Variants in FLT3 observed in about 807,000 individuals in gnomAD.
FLT3 encodes the protein receptor-type tyrosine-protein kinase FLT3.
Under a neutral mutation model 126.6 loss-of-function variants are expected in FLT3, and 46 were observed. The observed-to-expected ratio is 0.36, with a 90% confidence interval of 0.29 to 0.46. The LOEUF is 0.46. Ranked by LOEUF, FLT3 falls within the 20% of genes least tolerant of loss-of-function variation. The pLI, the probability that FLT3 is intolerant of heterozygous loss-of-function variation, is 1.00. For missense variants in FLT3, 1,069 were observed against 1,190.3 expected (o/e 0.90, Z 1.50); for synonymous variants, 404 against 434.4 (o/e 0.93, Z 0.87).
rs773412677 is a variant in FLT3, at chr13:28,048,250, A to G, written c.1205+25T>C. 2.5e-6 allele frequency: 4 copies of G among 1,585,316 alleles called. No homozygotes were observed. In the South Asian group the frequency reaches 3.4e-5, roughly 14 times the overall value. Reference sequence around the variant, plus strand: ...CAAGGAGAATTATGCTAAAAATGGTATCTTAGAGTCCTTTGTGGTCTCACC... The same window carrying G: ...CAAGGAGAATTATGCTAAAAATGGTGTCTTAGAGTCCTTTGTGGTCTCACC... On this transcript the variant is annotated intron_variant, in intron 9 of 23. Transcript: ENST00000241453.
intron 15 of FLT3, among the ~76,000 whole-genome samples, chr13:28,029,643 C>T (rs966772275): frequency 1.3e-5 from 2 of 152,136 alleles, no homozygotes; most frequent in Non-Finnish European, 2.9e-5. Context: ...ATAACAGTGT[C>T]GTGAGCATGG....
intron 3 of FLT3, among the ~76,000 whole-genome samples, chr13:28,061,492 G>T (rs532116498): frequency 6.6e-6 from 1 of 152,122 alleles, no homozygotes; most frequent in Admixed American, 6.5e-5. Flanking sequence ...GAGGCCAGGC[G>T]CAGTGACTCA....
rs35748326 is a variant in FLT3 at position 28,065,645 on chromosome 13, GTAATAATAA to G, written c.166-3585_166-3577del. On this transcript the variant is annotated intron_variant, in intron 2 of 23. Coordinates refer to ENST00000241453, the MANE Select transcript of FLT3 (RefSeq NM_004119.3). Reference sequence around the variant, plus strand: ...CAACGGAGCGAGATCTTGTCTCAAAGTAATAATAATAATAATAATAATAATAATAATAAT... The same window carrying G: ...CAACGGAGCGAGATCTTGTCTCAAAGTAATAATAATAATAATAATAATAAT... 3.7e-3 allele frequency among the ~76,000 whole-genome samples: 401 copies of G among 108,270 alleles called. 16 individuals carry two copies. Among genetic ancestry groups the G allele is most frequent in the African/African-American group, 0.013 (330 of 25,676 alleles). 71.0% of individuals were successfully genotyped at this position (108,270 alleles called of 152,430 possible). A position where few individuals can be genotyped will look rare whatever the true frequency, so the allele number is the denominator to read the frequency against.
At chr13:28,039,205 C>CTTTA (rs1874116669) in intron 9 of FLT3, among the ~76,000 whole-genome samples, 1 of 152,232 alleles carries the variant, frequency 6.6e-6, no homozygotes, top group Non-Finnish European at 1.5e-5. Context: ...TATTTACTTA[C>CTTTA]TTTATTTATT....
At chr13:28,098,354 A>C (rs548048530) in intron 1 of FLT3, among the ~76,000 whole-genome samples, 10 of 151,794 alleles carry the variant, frequency 6.6e-5, no homozygotes, top group African/African-American at 2.2e-4. Flanking sequence ...TTACAATATA[A>C]GGGAAATTGG....
chr13:28,090,197 T>C (rs539983326), intron 1 of FLT3, among the ~76,000 whole-genome samples: 107 of 151,614 alleles, frequency 7.1e-4, no homozygotes, highest in Non-Finnish European at 3.7e-4. Flanking sequence ...TGCATCACCA[T>C]GCCCAATTTT....
intron 15 of FLT3, among the ~76,000 whole-genome samples, chr13:28,033,152 C>CAAAA (rs755989941): frequency 9.9e-4 from 137 of 138,342 alleles, no homozygotes; most frequent in Middle Eastern, 3.8e-3. Flanking sequence ...ACCGTATCTA[C>CAAAA]AAAAAAAAAA....
rs75580865 is a variant in FLT3, at chr13:28,028,155, T to C, written c.2053+23A>G. 0.063 allele frequency: 70,310 copies of C among 1,119,976 alleles called. 2,667 individuals carry two copies. The highest frequency in any genetic ancestry group is 0.077 in the Non-Finnish European group (55,941 of 730,046). 69.4% of individuals were successfully genotyped at this position (1,119,976 alleles called of 1,614,324 possible). ...TCAAGCTACAGTCTTTTTGATGAGG[T>C]GATTTTCGTGGAAGTGGGTTACCTG... On this transcript the variant is annotated intron_variant, in intron 16 of 23. Transcript: ENST00000241453.
chr13:28,091,275 G>C (rs907557721), intron 1 of FLT3, among the ~76,000 whole-genome samples: 2 of 121,222 alleles, frequency 1.6e-5, no homozygotes, highest in Non-Finnish European at 3.2e-5. Context: ...AGGCTGGAGT[G>C]CAGTGGCGCG....
rs35797346 is a variant in FLT3, at chr13:28,086,619, C to CGTGTGTGT, written c.43+13841_43+13848dup. ...TATTTTTCCTTCTGTCTGAAGAACTCGTGTGTGTGTGTGTGTGTGTGTGTG... is the reference window on the plus strand; with the variant it reads ...TATTTTTCCTTCTGTCTGAAGAACTCGTGTGTGTGTGTGTGTGTGTGTGTGTGTGTGTG... On this transcript the variant is annotated intron_variant, in intron 1 of 23. Transcript: ENST00000241453. Among the ~76,000 whole-genome samples, 1,037 of 134,812 alleles carry CGTGTGTGT rather than the reference C, an allele frequency of 7.7e-3. 8 individuals carry two copies. The highest frequency in any genetic ancestry group is 0.021 in the African/African-American group (761 of 36,556). The allele number at this position is 134,812 out of a possible 152,430, so 88.4% of individuals were successfully genotyped here.
chr13:28,014,262 C>A lies in FLT3; in HGVS notation c.2859+190G>T, dbSNP rs553272610. ...CTCCAGCCTGGGCCACAGAGCGAGA[C>A]CCTGTCTCAATAAATAAATAAATAA... On this transcript the variant is annotated intron_variant, in intron 23 of 23. Transcript: ENST00000241453. Among the ~76,000 whole-genome samples the A allele has an allele frequency of 2.4e-4, 36 of 151,982 alleles. 1 individual carries two copies. The highest frequency in any genetic ancestry group is 1.1e-3 in the Admixed American group (16 of 15,232).
chr13:28,094,318 C>G (rs189276783), intron 1 of FLT3, among the ~76,000 whole-genome samples: 9 of 152,208 alleles, frequency 5.9e-5, no homozygotes, highest in African/African-American at 1.9e-4. Context: ...CCTGCTTTAG[C>G]ATAGACTGTA....
chr13:28,045,712 T>A (rs937492274), intron 9 of FLT3, among the ~76,000 whole-genome samples: 3 of 151,910 alleles, frequency 2.0e-5, no homozygotes, highest in Admixed American at 6.6e-5. Context: ...ATACAAAAAA[T>A]TAGCTGGGCA....
At chr13:28,064,896 A>AT (rs1876879928) in intron 2 of FLT3, among the ~76,000 whole-genome samples, 1 of 152,176 alleles carries the variant, frequency 6.6e-6, no homozygotes, top group African/African-American at 2.4e-5. Flanking sequence ...TTGCAGCACA[A>AT]TTCATAATTG....
In FLT3 at chr13:28,036,449, T is replaced by A. The variant is rs73154805; in HGVS notation, c.1310-406A>T. Among the ~76,000 whole-genome samples, 1,407 of 152,294 alleles carry A rather than the reference T, an allele frequency of 9.2e-3. 32 individuals carry two copies. Among genetic ancestry groups the A allele is most frequent in the African/African-American group, 0.031 (1,298 of 41,550 alleles). On this transcript the variant is annotated intron_variant, in intron 10 of 23. Coordinates refer to ENST00000241453, the MANE Select transcript of FLT3 (RefSeq NM_004119.3). ...CCTGGAGAGAGCTGAGGTACAGACC[T>A]CCACCTGTTTGCATGCCTTAAAATG...
chr13:28,080,438 A>G (rs970114414), intron 1 of FLT3, among the ~76,000 whole-genome samples: 2 of 152,226 alleles, frequency 1.3e-5, no homozygotes, highest in Non-Finnish European at 2.9e-5. Flanking sequence ...AGAGCAAAAA[A>G]TATCCAAACT....
intron 4 of FLT3, among the ~76,000 whole-genome samples, chr13:28,056,134 G>C (rs1875980188): frequency 6.6e-6 from 1 of 152,188 alleles, no homozygotes; most frequent in Non-Finnish European, 1.5e-5. Flanking sequence ...TCTTCTGTTA[G>C]TAGCTTTGAC....
intron 3 of FLT3, among the ~76,000 whole-genome samples, chr13:28,058,489 G>A (rs1246064350): frequency 6.6e-6 from 1 of 152,120 alleles, no homozygotes; most frequent in Non-Finnish European, 1.5e-5. Context: ...TCCAGCCTGG[G>A]CAACAAGATT....
At chr13:28,006,029 C>T (rs761562748) in intron 23 of FLT3, among the ~76,000 whole-genome samples, 5 of 151,800 alleles carry the variant, frequency 3.3e-5, no homozygotes, top group Admixed American at 6.6e-5. Flanking sequence ...GAGGCCGGGG[C>T]GGGAGGATTG....
Sources: allele counts gnomAD v4.1 joint callset (sites outside exome capture counted in the v4.1 genomes callset), GRCh38; gene constraint gnomAD v4.1.1; transcripts MANE v1.5; gene names NCBI Gene and HGNC (gene_info 2026-07-23, HGNC 2026-07-21).